ADAMTSL1: variants seen among roughly 807,000 people sequenced by gnomAD.
The protein encoded by ADAMTSL1 is ADAMTS like 1.
ADAMTSL1 carries 126 observed loss-of-function variants against 201.8 expected under a neutral mutation model. The observed-to-expected ratio is 0.62, with a 90% confidence interval of 0.54 to 0.72. ADAMTSL1 has a LOEUF of 0.72. ADAMTSL1 is among the 30% of genes least tolerant of loss of function. ADAMTSL1 has a pLI of 0.00. For synonymous variants in ADAMTSL1, 1,121 were observed against 903.4 expected, an observed-to-expected ratio of 1.24 and a Z score of -4.32; for missense variants, 2,679 against 2,277.8, an observed-to-expected ratio of 1.18 and a Z score of -3.59.
At chr9:17,920,999 C>A (rs1329002157) in intron 1 of ADAMTSL1, among the ~76,000 whole-genome samples, 1 of 152,162 alleles carries the variant, frequency 6.6e-6, no homozygotes, top group African/African-American at 2.4e-5. Flanking sequence ...TGTGGGCTTT[C>A]AGTAGATCTG....
In ADAMTSL1 at chr9:18,031,728, G is replaced by A. The variant is rs1381304455; in HGVS notation, c.87+124806G>A. Among the ~76,000 whole-genome samples the A allele has an allele frequency of 2.0e-5, 3 of 152,232 alleles. No individual in the cohort carries two copies. In the East Asian group the frequency reaches 5.8e-4, roughly 30 times the overall value. ...TCCTGCATTTCCTTAGTCCCATGGG[G>A]GACCTTGTTGGGCTGCATTCTCCCC... is the stretch of plus-strand genomic sequence containing the variant. On this transcript the variant is annotated intron_variant, in intron 1 of 29. Coordinates refer to the ADAMTSL1 transcript ENST00000680146.
intron 19 of ADAMTSL1, among the ~76,000 whole-genome samples, chr9:18,792,652 T>C (rs576977321): frequency 6.6e-6 from 1 of 152,378 alleles, no homozygotes; most frequent in Admixed American, 6.5e-5. Context: ...TTTAGAATTT[T>C]TGTGAAAGCA....
chr9:17,931,864 C>T (rs1198037618), intron 1 of ADAMTSL1, among the ~76,000 whole-genome samples: 2 of 152,126 alleles, frequency 1.3e-5, no homozygotes, highest in Admixed American at 1.3e-4. Flanking sequence ...ATGGATCTGT[C>T]ATTTGGCAAA....
At chr9:18,491,273 A>G (rs1207230667) in intron 1 of ADAMTSL1, among the ~76,000 whole-genome samples, 1 of 152,224 alleles carries the variant, frequency 6.6e-6, no homozygotes, top group African/African-American at 2.4e-5. Flanking sequence ...GCCAAGATCC[A>G]TTTTAATATA....
chr9:18,650,997 T>C (rs772423431), intron 7 of ADAMTSL1: 1 of 152,204 alleles, frequency 6.6e-6, no homozygotes, highest in Non-Finnish European at 1.5e-5. Context: ...TTTCCATCTT[T>C]TTGAAACACT....
At chr9:18,001,791 G>A (rs1319537147) in intron 1 of ADAMTSL1, among the ~76,000 whole-genome samples, 1 of 151,986 alleles carries the variant, frequency 6.6e-6, no homozygotes, top group Non-Finnish European at 1.5e-5. Flanking sequence ...GAGGAGCATC[G>A]CAGAGAGGGC....
At chr9:18,042,598 C>G (rs751106333) in intron 1 of ADAMTSL1, among the ~76,000 whole-genome samples, 2 of 152,052 alleles carry the variant, frequency 1.3e-5, no homozygotes, top group African/African-American at 4.8e-5. Flanking sequence ...TCTGTTTAGT[C>G]AGGATCAAAT....
At chr9:18,069,203 T>G (rs117709827) in intron 1 of ADAMTSL1, among the ~76,000 whole-genome samples, 1 of 152,338 alleles carries the variant, frequency 6.6e-6, no homozygotes, top group East Asian at 1.9e-4. Context: ...AAAGACTTAG[T>G]ATAAAAAAGA....
intron 2 of ADAMTSL1, among the ~76,000 whole-genome samples, chr9:18,319,957 T>C (rs566530734): frequency 1.3e-5 from 2 of 152,240 alleles, no homozygotes; most frequent in East Asian, 3.9e-4. Flanking sequence ...ATTTGAAGTG[T>C]GATAGGACTT....
chr9:18,366,681 A>G (rs940200038), intron 2 of ADAMTSL1, among the ~76,000 whole-genome samples: 6 of 122,226 alleles, frequency 4.9e-5, no homozygotes, highest in Admixed American at 1.0e-4. Context: ...ACAGAGTCTC[A>G]GTCTGTCACC....
At chr9:18,316,932 A>C (rs1291173106) in intron 2 of ADAMTSL1, among the ~76,000 whole-genome samples, 3 of 152,270 alleles carry the variant, frequency 2.0e-5, no homozygotes, top group African/African-American at 7.2e-5. Flanking sequence ...ACACCTCCAT[A>C]TTTATTGCAG....
At chr9:17,994,090 T>TTG (rs367861504) in intron 1 of ADAMTSL1, among the ~76,000 whole-genome samples, 5,588 of 142,082 alleles carry the variant, frequency 0.039, 125 homozygotes, top group African/African-American at 0.073. Flanking sequence ...CAGAATCTCA[T>TTG]TGTGTGTGTG....
At chr9:18,054,425 C>A (rs1366927777) in intron 1 of ADAMTSL1, among the ~76,000 whole-genome samples, 1 of 152,192 alleles carries the variant, frequency 6.6e-6, no homozygotes, top group African/African-American at 2.4e-5. Flanking sequence ...AAATTTGAAT[C>A]AGACAGTAAC....
intron 2 of ADAMTSL1, among the ~76,000 whole-genome samples, chr9:18,198,271 A>G: frequency 6.6e-6 from 1 of 150,912 alleles, no homozygotes; most frequent in Non-Finnish European, 1.5e-5. Context: ...ATCTCATTAA[A>G]CTAAAGAGCT....
intron 2 of ADAMTSL1, among the ~76,000 whole-genome samples, chr9:18,457,774 C>A (rs1036182370): frequency 6.6e-6 from 1 of 152,206 alleles, no homozygotes; most frequent in Non-Finnish European, 1.5e-5. Flanking sequence ...AGTGATAATG[C>A]TTTTCCTTTC....
intron 1 of ADAMTSL1, among the ~76,000 whole-genome samples, chr9:18,159,906 C>T (rs1023167298): frequency 6.6e-6 from 1 of 151,962 alleles, no homozygotes; most frequent in Non-Finnish European, 1.5e-5. Context: ...TATTCAGTGA[C>T]TTTTGTTTTT....
chr9:18,579,982 A>G (rs1822992385), intron 4 of ADAMTSL1, among the ~76,000 whole-genome samples: 1 of 152,206 alleles, frequency 6.6e-6, no homozygotes, highest in Non-Finnish European at 1.5e-5. Flanking sequence ...TTTTGAAAGC[A>G]AATAGAGAAA....
chr9:18,906,995 G>A (rs759748401), intron 28 of ADAMTSL1, 83 bp downstream of exon 28: 12 of 1,496,302 alleles, frequency 8.0e-6, no homozygotes, highest in Non-Finnish European at 1.1e-5. Flanking sequence ...CCGACCCTGA[G>A]CATAGGGCAT....
At chr9:18,856,277 C>G (rs1826841720) in intron 23 of ADAMTSL1, among the ~76,000 whole-genome samples, 1 of 152,064 alleles carries the variant, frequency 6.6e-6, no homozygotes, top group African/African-American at 2.4e-5. Flanking sequence ...TTTTCAGGAT[C>G]TAAACATCTT....
Sources: allele counts gnomAD v4.1 joint callset (sites outside exome capture counted in the v4.1 genomes callset), GRCh38; gene constraint gnomAD v4.1.1; transcripts MANE v1.5; gene names NCBI Gene and HGNC (gene_info 2026-07-23, HGNC 2026-07-21).